SLIT3: variants seen among roughly 807,000 people sequenced by gnomAD.
The protein encoded by SLIT3 is slit guidance ligand 3.
A neutral mutation model predicts 184.0 loss-of-function variants in SLIT3; 68 were observed. That is an observed-to-expected ratio of 0.37 (90% CI 0.30 to 0.45). The LOEUF is 0.45. Ranked by LOEUF, SLIT3 falls within the 20% of genes least tolerant of loss-of-function variation. SLIT3 has a pLI of 1.00. For synonymous variants in SLIT3, 831 were observed against 828.6 expected (o/e 1.00, Z -0.05); for missense variants, 1,707 against 2,026.0 (o/e 0.84, Z 3.02).
chr5:168,879,116 C>T (rs916603427), intron 5 of SLIT3, among the ~76,000 whole-genome samples: 5 of 152,144 alleles, frequency 3.3e-5, no homozygotes, highest in East Asian at 1.9e-4. Context: ...TTATTTTCTC[C>T]GTGTAGTAAA....
chr5:169,065,552 A>C (rs905986388), intron 4 of SLIT3, among the ~76,000 whole-genome samples: 8 of 152,208 alleles, frequency 5.3e-5, no homozygotes, highest in Admixed American at 1.3e-4. Context: ...CCATCAAGAC[A>C]GTCCTCTTTT....
chr5:168,823,233 G>C (rs1581118612), intron 7 of SLIT3, 27 bp downstream of exon 7: 2 of 1,592,700 alleles, frequency 1.3e-6, no homozygotes, highest in Non-Finnish European at 8.6e-7. Context: ...GGAGAAAATG[G>C]GAGAGATGCA....
intron 1 of SLIT3, among the ~76,000 whole-genome samples, chr5:169,267,371 G>A (rs2113624851): frequency 6.6e-6 from 1 of 152,274 alleles, no homozygotes; most frequent in Non-Finnish European, 1.5e-5. Context: ...CAACTTACTG[G>A]GCTCCAGGGC....
At chr5:168,732,802 TA>T (rs1410539335) in intron 20 of SLIT3, among the ~76,000 whole-genome samples, 5 of 152,146 alleles carry the variant, frequency 3.3e-5, no homozygotes, top group Non-Finnish European at 7.4e-5. Flanking sequence ...CTTTTCACCA[TA>T]TACAAAAATT....
chr5:168,928,541 C>T (rs756849309), intron 4 of SLIT3, among the ~76,000 whole-genome samples: 18 of 152,176 alleles, frequency 1.2e-4, no homozygotes, highest in Non-Finnish European at 1.9e-4. Context: ...TGCCTACCTT[C>T]CCTCCTTCTG....
At chr5:168,979,251 C>T (rs978458683) in intron 4 of SLIT3, among the ~76,000 whole-genome samples, 1 of 152,218 alleles carries the variant, frequency 6.6e-6, no homozygotes, top group African/African-American at 2.4e-5. Flanking sequence ...TGCTGCTCTG[C>T]AGGCTAAATA....
At chr5:168,796,505 G>A (rs886910486) in intron 9 of SLIT3, among the ~76,000 whole-genome samples, 4 of 152,118 alleles carry the variant, frequency 2.6e-5, no homozygotes, top group African/African-American at 9.7e-5. Context: ...CCTTCTCTCC[G>A]AGGTGCAGGT....
intron 3 of SLIT3, among the ~76,000 whole-genome samples, chr5:169,235,533 T>G (rs1446631980): frequency 6.6e-6 from 1 of 152,242 alleles, no homozygotes; most frequent in African/African-American, 2.4e-5. Context: ...GCAATCCTGT[T>G]GCATTTATTA....
chr5:169,209,805 G>A (rs187530202), intron 3 of SLIT3, among the ~76,000 whole-genome samples: 38 of 152,162 alleles, frequency 2.5e-4, no homozygotes, highest in East Asian at 7.8e-4. Context: ...GGGGGTAGGG[G>A]GCAAGGGGAG....
chr5:168,774,937 CAG>C (rs1755691258), intron 12 of SLIT3, among the ~76,000 whole-genome samples: 1 of 152,142 alleles, frequency 6.6e-6, no homozygotes, highest in Non-Finnish European at 1.5e-5. Flanking sequence ...TGCACACCCA[CAG>C]AGAGCACAGA....
At chr5:168,835,671 C>T (rs766386507) in intron 6 of SLIT3, among the ~76,000 whole-genome samples, 14 of 151,876 alleles carry the variant, frequency 9.2e-5, no homozygotes, top group East Asian at 1.9e-4. Flanking sequence ...ATTAGCCAGA[C>T]GTGGTGGCTG....
At chr5:169,132,878 A>G (rs1268652656) in intron 4 of SLIT3, among the ~76,000 whole-genome samples, 1 of 152,174 alleles carries the variant, frequency 6.6e-6, no homozygotes, top group East Asian at 1.9e-4. Context: ...CATTTGCTAT[A>G]TTTTGAGGTG....
At chr5:169,074,262 G>T (rs1334388778) in intron 4 of SLIT3, among the ~76,000 whole-genome samples, 2 of 152,216 alleles carry the variant, frequency 1.3e-5, no homozygotes, top group Non-Finnish European at 1.5e-5. Flanking sequence ...TGGTCTCCAG[G>T]TCTCATTTTC....
chr5:168,718,729 C>CAT (rs1762838107), intron 23 of SLIT3, among the ~76,000 whole-genome samples: 1 of 130,650 alleles, frequency 7.7e-6, no homozygotes, highest in Admixed American at 7.2e-5. Flanking sequence ...CACACACACA[C>CAT]ATTCTCTCTC....
Position 169,152,985 on chromosome 5 carries a change from C to T in SLIT3, c.413+40494G>A, listed in dbSNP as rs990372244. On this transcript the variant is annotated intron_variant, in intron 4 of 35. Transcript: ENST00000519560. ...ACGGTCTCCAGAAAGGTGGCACTTT[C>T]CCTTTTTCAGGTTAAAAGCATTCTA... Among the ~76,000 whole-genome samples, 5 of 152,230 alleles carry T rather than the reference C, an allele frequency of 3.3e-5. No homozygotes were observed. In the East Asian group the frequency reaches 9.6e-4, roughly 29 times the overall value.
chr5:168,988,806 A>C (rs1022939676), intron 4 of SLIT3, among the ~76,000 whole-genome samples: 2 of 152,152 alleles, frequency 1.3e-5, no homozygotes, highest in Non-Finnish European at 2.9e-5. Flanking sequence ...ACTAGAATTG[A>C]GCCTCGAAAG....
chr5:169,267,750 A>T (rs973286743), intron 1 of SLIT3, among the ~76,000 whole-genome samples: 1 of 152,200 alleles, frequency 6.6e-6, no homozygotes, highest in Non-Finnish European at 1.5e-5. Flanking sequence ...GTGACAATGG[A>T]AATACTCATA....
intron 4 of SLIT3, among the ~76,000 whole-genome samples, chr5:168,938,130 A>G (rs1726817724): frequency 6.6e-6 from 1 of 152,212 alleles, no homozygotes; most frequent in African/African-American, 2.4e-5. Context: ...GGAGTAAACT[A>G]CTTGGAGGAA....
chr5:169,213,411 C>T (rs1444024212), intron 3 of SLIT3, among the ~76,000 whole-genome samples: 2 of 152,112 alleles, frequency 1.3e-5, no homozygotes, highest in Admixed American at 6.6e-5. Flanking sequence ...GCTTTCTTCA[C>T]AGAATTGGAA....
Sources: allele counts gnomAD v4.1 joint callset (sites outside exome capture counted in the v4.1 genomes callset), GRCh38; gene constraint gnomAD v4.1.1; transcripts MANE v1.5; gene names NCBI Gene and HGNC (gene_info 2026-07-23, HGNC 2026-07-21).